Variants in KIRREL1 observed in about 807,000 individuals in gnomAD.
The protein encoded by KIRREL1 is kirre like nephrin family adhesion molecule 1.
In KIRREL1, 25 loss-of-function variants were observed where a neutral mutation model predicts 83.3. The ratio of observed to expected loss-of-function variants is 0.30; its 90% CI spans 0.22 to 0.42. The LOEUF (loss-of-function observed/expected upper bound fraction) is 0.42, where lower values mean the gene tolerates loss of function less well. Ranked by LOEUF, KIRREL1 falls within the 10% of genes least tolerant of loss-of-function variation. The pLI is 1.00. For synonymous variants in KIRREL1, 388 were observed against 410.4 expected (o/e 0.95, Z 0.66); for missense variants, 812 against 1,032.3 (o/e 0.79, Z 2.92).
At chr1:158,016,092 T>A (rs1659817248) in intron 1 of KIRREL1, among the ~76,000 whole-genome samples, 1 of 151,860 alleles carries the variant, frequency 6.6e-6, no homozygotes, top group Non-Finnish European at 1.5e-5. Flanking sequence ...GATCACAAGG[T>A]TAGGAGTTTG....
At chr1:158,002,470 T>C (rs1659387996) in intron 1 of KIRREL1, among the ~76,000 whole-genome samples, 1 of 152,230 alleles carries the variant, frequency 6.6e-6, no homozygotes, top group Non-Finnish European at 1.5e-5. Context: ...AAGTGAGCTC[T>C]GGTTTTTCAA....
In KIRREL1 at chr1:158,088,334, C is replaced by T; in HGVS notation, c.924C>T (p.Pro308=). The change falls in exon 8 of 15, where the codon CCC becomes CCT. Residue 308 remains proline (P), a synonymous_variant. Coordinates refer to ENST00000359209, the MANE Select transcript of KIRREL1 (RefSeq NM_018240.7). ...CTTCTTTCTCCCTCACAGTTGCTCC[C>T]CGGATTGTAGTTGACCCCAAACCCA... The part of the protein sequence containing the change: ...VSTLVNVHFA[P]RIVVDPKPTT... 2 of 1,612,416 alleles carry T rather than the reference C, an allele frequency of 1.2e-6. No homozygotes were observed. The highest frequency in any genetic ancestry group is 1.7e-6 in the Non-Finnish European group (2 of 1,179,194).
chr1:158,011,705 G>A (rs1020193598), intron 1 of KIRREL1, among the ~76,000 whole-genome samples: 10 of 152,308 alleles, frequency 6.6e-5, no homozygotes, highest in East Asian at 1.9e-4. Flanking sequence ...TGGGTTTTAA[G>A]GTGAAGGAGG....
intron 1 of KIRREL1, among the ~76,000 whole-genome samples, chr1:158,008,159 G>T (rs1176034750): frequency 1.3e-5 from 2 of 152,138 alleles, no homozygotes; most frequent in African/African-American, 4.8e-5. Flanking sequence ...CGGCAGCGAG[G>T]GGGGTGGGGA....
At chr1:158,010,396 T>TACAC (rs56077512) in intron 1 of KIRREL1, among the ~76,000 whole-genome samples, 5,168 of 44,502 alleles carry the variant, frequency 0.12, 728 homozygotes, top group Non-Finnish European at 0.12. Flanking sequence ...CACACATGCA[T>TACAC]ACACACACAC....
At chr1:158,013,704 G>A (rs986728685) in intron 1 of KIRREL1, among the ~76,000 whole-genome samples, 5 of 152,172 alleles carry the variant, frequency 3.3e-5, no homozygotes, top group East Asian at 3.8e-4. Context: ...CCCTTGCTCC[G>A]CAACCAAGGT....
intron 2 of KIRREL1, among the ~76,000 whole-genome samples, chr1:158,077,762 C>T (rs189966693): frequency 1.3e-5 from 2 of 152,350 alleles, no homozygotes; most frequent in East Asian, 3.9e-4. Flanking sequence ...GAGATTTCAT[C>T]TGCTCCTGCT....
Position 158,051,080 on chromosome 1 carries a change from C to G in KIRREL1, c.53-25033C>G, listed in dbSNP as rs116063797. On this transcript the variant is annotated intron_variant, in intron 1 of 14. Transcript: ENST00000359209. ...TGTTGCTCAGAACGAAGTTCCCCTC[C>G]TCATACTTCAGTGCTGGCTGCATTG... Among the ~76,000 whole-genome samples the G allele has an allele frequency of 4.3e-3, 662 of 152,334 alleles. 3 individuals carry two copies. Among genetic ancestry groups the G allele is most frequent in the African/African-American group, 0.015 (642 of 41,582 alleles).
intron 1 of KIRREL1, among the ~76,000 whole-genome samples, chr1:158,072,281 G>A (rs922726281): frequency 3.9e-5 from 6 of 152,124 alleles, no homozygotes; most frequent in Admixed American, 2.6e-4. Flanking sequence ...CTCCTTTTCT[G>A]GATGGTGGTT....
intron 2 of KIRREL1, among the ~76,000 whole-genome samples, chr1:158,076,803 T>C (rs1032778535): frequency 6.6e-6 from 1 of 152,280 alleles, no homozygotes; most frequent in African/African-American, 2.4e-5. Context: ...GCACTGGCTA[T>C]GTAGCTGGTG....
rs1196120719 is a variant in KIRREL1 at position 158,007,338 on chromosome 1, C to T, written c.52+13610C>T. Among the ~76,000 whole-genome samples the T allele has an allele frequency of 2.0e-5, 3 of 152,162 alleles. No homozygotes were observed. The East Asian group carries it at 5.8e-4, about 30-fold the overall frequency. ...GGGTGGAGGGAAGGGAACCTGGGCCCAGGTGGAAGGAGGACACCAGGTGGA... is the reference window on the plus strand; with the variant it reads ...GGGTGGAGGGAAGGGAACCTGGGCCTAGGTGGAAGGAGGACACCAGGTGGA... On this transcript the variant is annotated intron_variant, in intron 1 of 14. Transcript: ENST00000359209.
chr1:158,046,328 G>T (rs542123762), intron 1 of KIRREL1, among the ~76,000 whole-genome samples: 114 of 152,300 alleles, frequency 7.5e-4, no homozygotes, highest in Middle Eastern at 6.8e-3. Context: ...TACGGACCTG[G>T]AGGAATGAAG....
At position 158,084,269 on chromosome 1, in the gene KIRREL1, T is replaced by C. The variant is rs1661954236; in HGVS notation, c.353-153T>C. Among the ~76,000 whole-genome samples the C allele has an allele frequency of 3.3e-5, 5 of 152,108 alleles. No individual in the cohort carries two copies. The South Asian group carries it at 1.0e-3, about 32-fold the overall frequency. ...CTAGAGGAAGCCACCACAAGAGCAA[T>C]GAAGACAGTGGTTGTAGATTAGGGG... On this transcript the variant is annotated intron_variant, in intron 3 of 14. Transcript: ENST00000359209.
At chr1:158,008,368 G>GGCT (rs1278187455) in intron 1 of KIRREL1, among the ~76,000 whole-genome samples, 1 of 152,152 alleles carries the variant, frequency 6.6e-6, no homozygotes, top group Admixed American at 6.5e-5. Context: ...CCACAGTGCT[G>GGCT]GCTGCTGGCA....
intron 1 of KIRREL1, among the ~76,000 whole-genome samples, chr1:158,063,822 C>T (rs1474356950): frequency 1.3e-5 from 2 of 152,174 alleles, no homozygotes; most frequent in Non-Finnish European, 2.9e-5. Flanking sequence ...CGTTCCTGCA[C>T]CTCAGGTACT....
chr1:158,061,221 G>A (rs375595131), intron 1 of KIRREL1, among the ~76,000 whole-genome samples: 11 of 152,300 alleles, frequency 7.2e-5, no homozygotes, highest in Admixed American at 1.3e-4. Context: ...AGTAAATCGA[G>A]AGGGAATATT....
chr1:158,073,822 C>T (rs1447786096), intron 1 of KIRREL1, among the ~76,000 whole-genome samples: 1 of 152,224 alleles, frequency 6.6e-6, no homozygotes, highest in East Asian at 1.9e-4. Flanking sequence ...GCTGCTTCTT[C>T]ATTCCAAGTG....
chr1:158,084,386 C>T (rs1370957832), intron 3 of KIRREL1, 36 bp from the exon 4 acceptor site: 5 of 1,530,264 alleles, frequency 3.3e-6, no homozygotes, highest in Non-Finnish European at 4.4e-6. Flanking sequence ...GTGTTAGCCA[C>T]ACCCTGCACT....
intron 1 of KIRREL1, among the ~76,000 whole-genome samples, chr1:158,062,212 CTCAG>C (rs1267735849): frequency 1.3e-5 from 2 of 152,208 alleles, no homozygotes; most frequent in African/African-American, 4.8e-5. Context: ...GACAAGGAAA[CTCAG>C]TCAGGCAGAG....
Sources: allele counts gnomAD v4.1 joint callset (sites outside exome capture counted in the v4.1 genomes callset), GRCh38; gene constraint gnomAD v4.1.1; transcripts MANE v1.5; gene names NCBI Gene and HGNC (gene_info 2026-07-23, HGNC 2026-07-21).